The following DYTN variants were observed in gnomAD, a reference collection of about 807,000 sequenced individuals.
DYTN encodes the protein dystrotelin.
A neutral mutation model predicts 69.6 loss-of-function variants in DYTN; 75 were observed. The observed-to-expected ratio is 1.08, with a 90% CI of 0.89 to 1.31. DYTN has a LOEUF of 1.31. DYTN is among the 50% of genes most tolerant of loss of function. DYTN has a pLI of 0.00. For missense variants in DYTN, 726 were observed against 688.4 expected (o/e 1.05, Z -0.61); for synonymous variants, 252 against 249.1 (o/e 1.01, Z -0.11).
chr2:206,707,237 TGGTAAATGACC>T, intron 3 of DYTN, 54 bp downstream of exon 3: 1 of 1,545,650 alleles, frequency 6.5e-7, no homozygotes, highest in Non-Finnish European at 8.8e-7. Context: ...CAGCACCAAA[TGGTAAATGACC>T]ACTGGAAACT....
intron 10 of DYTN, among the ~76,000 whole-genome samples, chr2:206,665,189 C>T (rs1411613878): frequency 6.6e-6 from 1 of 152,180 alleles, no homozygotes; most frequent in Non-Finnish European, 1.5e-5. Flanking sequence ...TACAAAAATT[C>T]AGCTGTCTTT....
chr2:206,677,635 A>G (rs1236635015), intron 9 of DYTN, among the ~76,000 whole-genome samples: 1 of 152,198 alleles, frequency 6.6e-6, no homozygotes, highest in Non-Finnish European at 1.5e-5. Flanking sequence ...TGATTTCTCA[A>G]TGAATAAATT....
chr2:206,653,644 T>G (rs1699414073), intron 11 of DYTN, among the ~76,000 whole-genome samples: 1 of 152,246 alleles, frequency 6.6e-6, no homozygotes, highest in South Asian at 2.1e-4. Flanking sequence ...ACTGAGCCCA[T>G]ATCTTATTTA....
Position 206,663,094 on chromosome 2 carries a change from G to A in DYTN, c.1442C>T (p.Pro481Leu), listed in dbSNP as rs749664844. The A allele has an allele frequency of 1.2e-6, 2 of 1,613,830 alleles. No individual in the cohort carries two copies. The highest frequency in any genetic ancestry group is 2.2e-5 in the East Asian group (1 of 44,872). ...KMPQKVISAL[P>L]SYQEGLKQDI... is the part of the protein sequence containing the mutation. ...CTGCTTCAGTCCCTCCTGATAACTG[G>A]GTAGGGCACTAATGACTTTCTGTGG... Residue 481 changes from proline (P) to leucine (L), a missense_variant, in exon 11 of 12, where the codon CCC becomes CTC. Coordinates refer to ENST00000452335, the MANE Select transcript of DYTN (RefSeq NM_001093730.1).
At chr2:206,699,633 A>G in intron 7 of DYTN, 94 bp downstream of exon 7, 1 of 1,430,952 alleles carries the variant, frequency 7.0e-7, no homozygotes, top group Non-Finnish European at 9.3e-7. Flanking sequence ...TCAGATGTGT[A>G]AGGAGGACCC....
chr2:206,663,506 C>T (rs956888713), intron 10 of DYTN, 111 bp from the exon 11 acceptor site: 24 of 1,187,244 alleles, frequency 2.0e-5, no homozygotes, highest in Non-Finnish European at 2.5e-5. Flanking sequence ...ACTTTTCTTT[C>T]TCCTCTGTAA....
At position 206,707,295 on chromosome 2, in the gene DYTN, C is replaced by A. The variant is rs763251483; in HGVS notation, c.296+7G>T. On this transcript the variant is annotated splice_region_variant and intron_variant, in intron 3 of 11. Coordinates refer to ENST00000452335, the MANE Select transcript of DYTN (RefSeq NM_001093730.1). The stretch of plus-strand genomic sequence containing the variant: ...TTGAGGTCACAGCGCGACGTCCACA[C>A]CCTCACCTGTTGTACATTGTCGTGA... 1.9e-5 allele frequency: 30 copies of A among 1,610,208 alleles called. No individual in the cohort carries two copies. In the East Asian group the frequency reaches 6.2e-4, roughly 34 times the overall value.
At position 206,705,774 on chromosome 2, in the gene DYTN, C is replaced by T. The variant is rs1045683888; in HGVS notation, c.382+14G>A. On this transcript the variant is annotated intron_variant, in intron 4 of 11. Coordinates refer to ENST00000452335, the MANE Select transcript of DYTN (RefSeq NM_001093730.1). ...CACTGCACTTTAGGACACCCGCAGTCCTCTGCATGTTACCTCGGTATTTTG... is the reference window on the plus strand; with the variant it reads ...CACTGCACTTTAGGACACCCGCAGTTCTCTGCATGTTACCTCGGTATTTTG... 1 of 1,612,740 alleles carries T rather than the reference C, an allele frequency of 6.2e-7. No homozygotes were observed.
chr2:206,666,237 G>A (rs1483758626), intron 9 of DYTN, among the ~76,000 whole-genome samples: 2 of 152,108 alleles, frequency 1.3e-5, no homozygotes, highest in Non-Finnish European at 2.9e-5. Context: ...TGCAACCTCT[G>A]CCTCTTGGGT....
At chr2:206,717,255 G>A (rs11885673) in intron 1 of DYTN, among the ~76,000 whole-genome samples, 36,504 of 152,008 alleles carry the variant, frequency 0.24, 4,673 homozygotes, top group African/African-American at 0.32. Flanking sequence ...AGCTACATCA[G>A]TATATTTATT....
intron 9 of DYTN, among the ~76,000 whole-genome samples, chr2:206,676,400 G>A (rs1699686846): frequency 6.6e-6 from 1 of 152,030 alleles, no homozygotes; most frequent in Admixed American, 6.6e-5. Context: ...GACACAGGGA[G>A]GAGAACATCA....
rs1699529050 is a variant in DYTN, at chr2:206,662,946, T to C, written c.1590A>G (p.Leu530=). ...DELEEEELQE[L]LSKLMDAFNL... is the part of the protein sequence containing the mutation. ...TGAAGGCATCCATAAGTTTTGACAA[T>C]AGTTCTTGCAGTTCCTCTTCCTCCA... Residue 530 remains leucine (L), a synonymous_variant, in exon 11 of 12, where the codon CTA becomes CTG. Coordinates refer to ENST00000452335, the MANE Select transcript of DYTN (RefSeq NM_001093730.1). The C allele has an allele frequency of 3.7e-6, 6 of 1,613,654 alleles. No homozygotes were observed. Among genetic ancestry groups the C allele is most frequent in the Non-Finnish European group, 5.1e-6 (6 of 1,179,828 alleles).
chr2:206,681,456 T>G (rs990635211), intron 9 of DYTN, among the ~76,000 whole-genome samples: 7 of 152,210 alleles, frequency 4.6e-5, no homozygotes, highest in Admixed American at 6.5e-5. Context: ...TGTGCCAGTT[T>G]TCAAAGGGAA....
chr2:206,694,922 G>GAAC, intron 7 of DYTN, 45 bp from the exon 8 acceptor site: 1 of 714,044 alleles, frequency 1.4e-6, no homozygotes, highest in Non-Finnish European at 1.9e-6. Flanking sequence ...TAGTAGATGA[G>GAAC]AAAAAAAAAA....
intron 1 of DYTN, among the ~76,000 whole-genome samples, chr2:206,712,564 C>T (rs986466511): frequency 6.6e-6 from 1 of 152,122 alleles, no homozygotes; most frequent in Non-Finnish European, 1.5e-5. Flanking sequence ...ATGTATGGGT[C>T]AGGGAGGAGG....
At chr2:206,671,730 G>A (rs1699631863) in intron 9 of DYTN, among the ~76,000 whole-genome samples, 2 of 152,122 alleles carry the variant, frequency 1.3e-5, no homozygotes, top group African/African-American at 4.8e-5. Flanking sequence ...AATGTATATT[G>A]TTAATATGAA....
intron 9 of DYTN, among the ~76,000 whole-genome samples, chr2:206,683,742 A>G (rs1699777314): frequency 6.6e-6 from 1 of 152,038 alleles, no homozygotes; most frequent in African/African-American, 2.4e-5. Context: ...AAAAACCGCA[A>G]TTACTTTTGC....
At chr2:206,685,252 A>G (rs1699793247) in intron 9 of DYTN, among the ~76,000 whole-genome samples, 1 of 151,938 alleles carries the variant, frequency 6.6e-6, no homozygotes, top group African/African-American at 2.4e-5. Flanking sequence ...GCCTCGACCT[A>G]CCAGGCTCAA....
intron 4 of DYTN, 143 bp from the exon 5 acceptor site, chr2:206,705,086 A>C (rs1256860045): frequency 2.5e-5 from 17 of 674,252 alleles, no homozygotes; most frequent in African/African-American, 1.8e-5. Context: ...GCTAGCTATT[A>C]TGAAGGCCTC....
Sources: gnomAD v4.1 joint callset for allele counts (sites outside exome capture counted in the v4.1 genomes callset) on GRCh38, gnomAD v4.1.1 for gene constraint, MANE v1.5 for transcripts, NCBI Gene and HGNC (gene_info 2026-07-23, HGNC 2026-07-21) for gene names.